The following FMNL3 variants were observed in gnomAD, a reference collection of about 807,000 sequenced individuals.
FMNL3 encodes the protein formin like 3.
A neutral mutation model predicts 119.6 loss-of-function variants in FMNL3; 57 were observed. The observed-to-expected ratio is 0.48, with a 90% CI of 0.39 to 0.59. The LOEUF is 0.59. Ranked by LOEUF, FMNL3 falls within the 20% of genes least tolerant of loss-of-function variation. The pLI is 0.00. For missense variants in FMNL3, 1,053 were observed against 1,323.5 expected, an observed-to-expected ratio of 0.80 and a Z score of 3.17; for synonymous variants, 491 against 507.3, an observed-to-expected ratio of 0.97 and a Z score of 0.43.
At chr12:49,652,250 T>C in intron 13 of FMNL3, 38 bp from the exon 14 acceptor site, 1 of 1,593,212 alleles carries the variant, frequency 6.3e-7, no homozygotes, top group Non-Finnish European at 8.5e-7. Context: ...AAAAGTGGGC[T>C]GAAGGCATAG....
chr12:49,653,178 C>A, intron 13 of FMNL3, 48 bp downstream of exon 13: 1 of 1,562,438 alleles, frequency 6.4e-7, no homozygotes, highest in South Asian at 1.1e-5. Flanking sequence ...CCCCAAGGCG[C>A]TGGAGCCCAG....
At chr12:49,648,120 T>A (rs916564839) in intron 22 of FMNL3, 73 bp downstream of exon 22, 22 of 1,338,494 alleles carry the variant, frequency 1.6e-5, no homozygotes, top group African/African-American at 6.1e-5. Context: ...AAAAAAAAAA[T>A]AGAACTAGGG....
At chr12:49,672,000 T>C (rs967184014) in intron 1 of FMNL3, among the ~76,000 whole-genome samples, 2 of 152,232 alleles carry the variant, frequency 1.3e-5, no homozygotes, top group African/African-American at 4.8e-5. Flanking sequence ...CACAGGGTTT[T>C]AGCTGAGGAT....
intron 10 of FMNL3, among the ~76,000 whole-genome samples, chr12:49,654,558 C>T (rs1384720141): frequency 6.6e-6 from 1 of 152,112 alleles, no homozygotes; most frequent in African/African-American, 2.4e-5. Context: ...TTCCTTTGTA[C>T]ATCAACAGGT....
chr12:49,705,491 C>T (rs907296337), intron 1 of FMNL3, among the ~76,000 whole-genome samples: 1 of 152,146 alleles, frequency 6.6e-6, no homozygotes, highest in Non-Finnish European at 1.5e-5. Context: ...TCCACCTCAC[C>T]CCATCCCTTT....
chr12:49,667,581 A>G (rs79674615), intron 2 of FMNL3, among the ~76,000 whole-genome samples: 4,592 of 152,308 alleles, frequency 0.03, 100 homozygotes, highest in Middle Eastern at 0.078. Context: ...ACCTACTAGC[A>G]TTAGGCAAGT....
In FMNL3 at chr12:49,637,187, G is replaced by C; in HGVS notation, c.*8628C>G. The C allele has an allele frequency of 1.7e-6, 1 of 572,918 alleles. No individual in the cohort carries two copies. Among genetic ancestry groups the C allele is most frequent in the Non-Finnish European group, 3.1e-6 (1 of 321,692 alleles). The allele number at this position is 572,918 out of a possible 1,614,324, so 35.5% of individuals were successfully genotyped here. ...CCTCAGCTTGGGGGTGGCAGTGGTGGTGGTAGTGCTAGGGGTTACTGCAGG... is the reference window on the plus strand; with the variant it reads ...CCTCAGCTTGGGGGTGGCAGTGGTGCTGGTAGTGCTAGGGGTTACTGCAGG... On this transcript the variant is annotated 3_prime_UTR_variant, in exon 26 of 26. Coordinates refer to ENST00000335154, the MANE Select transcript of FMNL3 (RefSeq NM_175736.5).
chr12:49,656,703 G>A lies in FMNL3; in HGVS notation c.791+120C>T, dbSNP rs1943580256. The stretch of plus-strand genomic sequence containing the variant: ...ACACTTCTCTTCCAGCAGAGGAGGG[G>A]GCCAAACCAAGGCTCTTGACAGGAC... On this transcript the variant is annotated intron_variant, in intron 8 of 25. Transcript: ENST00000335154. The A allele has an allele frequency of 2.9e-6, 3 of 1,051,126 alleles. No homozygotes were observed. In the Admixed American group the frequency reaches 5.8e-5, roughly 20 times the overall value. The allele number at this position is 1,051,126 out of a possible 1,614,324, so 65.1% of individuals were successfully genotyped here.
At position 49,684,787 on chromosome 12, in the gene FMNL3, G is replaced by A. The variant is rs11169107; in HGVS notation, c.127-16233C>T. On this transcript the variant is annotated intron_variant, in intron 1 of 25. Transcript: ENST00000335154. Reference sequence around the variant, plus strand: ...ATCTGCAGACGTGAGCACTTCATGAGGGAGCAGATTCACCAAGTGTCCTGC... The same window carrying A: ...ATCTGCAGACGTGAGCACTTCATGAAGGAGCAGATTCACCAAGTGTCCTGC... Among the ~76,000 whole-genome samples the A allele has an allele frequency of 5.9e-5, 9 of 152,326 alleles. No individual in the cohort carries two copies. In the South Asian group the frequency reaches 1.0e-3, roughly 18 times the overall value.
chr12:49,704,443 GCT>G (rs1944988103), intron 1 of FMNL3, among the ~76,000 whole-genome samples: 1 of 152,160 alleles, frequency 6.6e-6, no homozygotes. Context: ...AGGCACAGTG[GCT>G]CATGCCTGTA....
chr12:49,704,531 C>G (rs200035994), intron 1 of FMNL3, among the ~76,000 whole-genome samples: 1 of 151,732 alleles, frequency 6.6e-6, no homozygotes, highest in South Asian at 2.1e-4. Context: ...GCCAACATGG[C>G]GAAACCCCAT....
rs1250879864 is a variant in FMNL3 at position 49,636,609 on chromosome 12, G to A, written c.*9206C>T. 2.7e-6 allele frequency: 4 copies of A among 1,502,690 alleles called. No homozygotes were observed. In the African/African-American group the frequency reaches 5.5e-5, roughly 21 times the overall value. 93.1% of individuals were successfully genotyped at this position (1,502,690 alleles called of 1,614,324 possible). On this transcript the variant is annotated 3_prime_UTR_variant, in exon 26 of 26. Coordinates refer to ENST00000335154, the MANE Select transcript of FMNL3 (RefSeq NM_175736.5). The stretch of plus-strand genomic sequence containing the variant: ...CCAGGCCCTTCCCCCACCACCCTGG[G>A]TATCCCTAGCACCTGTAGGACAGCA...
At chr12:49,646,704 G>A in intron 25 of FMNL3, 182 bp downstream of exon 25, 1 of 1,541,238 alleles carries the variant, frequency 6.5e-7, no homozygotes, top group South Asian at 1.2e-5. Flanking sequence ...CACAGAAGAA[G>A]CGTGAGCCCC....
intron 1 of FMNL3, among the ~76,000 whole-genome samples, chr12:49,682,229 C>G (rs1272357942): frequency 6.6e-6 from 1 of 152,080 alleles, no homozygotes; most frequent in Admixed American, 6.6e-5. Context: ...CACCACCACA[C>G]CCAGCTAAGT....
In FMNL3 at chr12:49,643,075, A is replaced by G; in HGVS notation, c.*2740T>C. ...GCTGGGTTGTTTTGGGGAAATAAAC[A>G]CTTTGTTTTCCCCTTACAATATCTC... On this transcript the variant is annotated 3_prime_UTR_variant, in exon 26 of 26. Coordinates refer to ENST00000335154, the MANE Select transcript of FMNL3 (RefSeq NM_175736.5). 6.3e-7 allele frequency: 1 copy of G among 1,594,616 alleles called. No homozygotes were observed. The highest frequency in any genetic ancestry group is 1.3e-5 in the African/African-American group (1 of 74,504).
chr12:49,665,769 C>T (rs1943873685), intron 4 of FMNL3, 63 bp downstream of exon 4: 1 of 1,529,156 alleles, frequency 6.5e-7, no homozygotes, highest in Admixed American at 1.7e-5. Flanking sequence ...GGACACCAGA[C>T]CCTGTGTGCC....
At chr12:49,657,532 C>T (rs1219707416) in intron 6 of FMNL3, among the ~76,000 whole-genome samples, 2 of 152,200 alleles carry the variant, frequency 1.3e-5, no homozygotes, top group African/African-American at 4.8e-5. Flanking sequence ...TCCCTCCACC[C>T]ACTTCCAGTT....
intron 1 of FMNL3, among the ~76,000 whole-genome samples, chr12:49,671,044 A>T (rs907773016): frequency 5.9e-5 from 9 of 152,226 alleles, no homozygotes; most frequent in African/African-American, 2.2e-4. Context: ...TCTCCCCTGG[A>T]AGAAAGCTGC....
intron 1 of FMNL3, among the ~76,000 whole-genome samples, chr12:49,676,717 G>A (rs1157280604): frequency 1.3e-5 from 2 of 152,068 alleles, no homozygotes; most frequent in Admixed American, 1.3e-4. Context: ...TGGGGAAAGG[G>A]AGGATCCTTT....
Sources: gnomAD v4.1 joint callset for allele counts (sites outside exome capture counted in the v4.1 genomes callset) on GRCh38, gnomAD v4.1.1 for gene constraint, MANE v1.5 for transcripts, NCBI Gene and HGNC (gene_info 2026-07-23, HGNC 2026-07-21) for gene names.